NEAT1: variants seen among roughly 807,000 people sequenced by gnomAD.
NEAT1 encodes the protein MENepsilon/beta.
At chr11:65,423,066 A>C (rs866417681) in exon 1 of NEAT1, 1 of 152,194 alleles carries the variant, frequency 6.6e-6, no homozygotes, top group Admixed American at 6.6e-5. Flanking sequence ...TGGAGGGGGA[A>C]CTTGACCTCT....
Sources: gnomAD v4.1 joint callset for allele counts on GRCh38, gnomAD v4.1.1 for gene constraint, MANE v1.5 for transcripts, NCBI Gene and HGNC (gene_info 2026-07-23, HGNC 2026-07-21) for gene names.